OR51B5: variants seen among roughly 807,000 people sequenced by gnomAD.
OR51B5 encodes the protein olfactory receptor family 51 subfamily B member 5, also known as olfactory receptor 51B5.
For synonymous variants in OR51B5, 186 were observed against 144.8 expected (o/e 1.28, Z -2.04); for missense variants, 456 against 374.6 (o/e 1.22, Z -1.79).
chr11:5,402,524 C>A (rs1429462671), intron 1 of OR51B5: 6 of 383,570 alleles, frequency 1.6e-5, no homozygotes, highest in Non-Finnish European at 3.2e-5. Flanking sequence ...TGTCTTTCTT[C>A]ATAATGATGT....
At chr11:5,468,356 T>A in intron 1 of OR51B5, 1 of 213,166 alleles carries the variant, frequency 4.7e-6, no homozygotes, top group Non-Finnish European at 9.4e-6. Flanking sequence ...CCCATATAAC[T>A]TCTGGCAGGT....
At chr11:5,425,293 T>G (rs1243742142) in intron 1 of OR51B5, among the ~76,000 whole-genome samples, 3 of 152,070 alleles carry the variant, frequency 2.0e-5, no homozygotes, top group African/African-American at 7.2e-5. Context: ...GCAAATAAAT[T>G]TTGGGATTAT....
intron 1 of OR51B5, among the ~76,000 whole-genome samples, chr11:5,430,353 G>A (rs1850515949): frequency 6.6e-6 from 1 of 151,908 alleles, no homozygotes; most frequent in Non-Finnish European, 1.5e-5. Context: ...AGGCTTTTTT[G>A]CTAGGAGTTT....
intron 1 of OR51B5, among the ~76,000 whole-genome samples, chr11:5,409,163 T>A (rs1378589358): frequency 1.3e-5 from 2 of 152,096 alleles, no homozygotes; most frequent in Non-Finnish European, 2.9e-5. Context: ...TCAAAGGCAT[T>A]AGGAAGCTAG....
At chr11:5,365,980 A>C (rs1849358613) in intron 1 of OR51B5, among the ~76,000 whole-genome samples, 1 of 152,166 alleles carries the variant, frequency 6.6e-6, no homozygotes, top group Non-Finnish European at 1.5e-5. Flanking sequence ...CACAAACTGA[A>C]GAACTGCTAG....
intron 1 of OR51B5, chr11:5,468,845 C>T (rs2133799546): frequency 2.3e-6 from 1 of 435,938 alleles, no homozygotes; most frequent in Non-Finnish European, 4.6e-6. Flanking sequence ...GGTAGTGTCT[C>T]CACAGGGCAG....
intron 1 of OR51B5, among the ~76,000 whole-genome samples, chr11:5,385,017 A>T (rs946449650): frequency 6.6e-6 from 1 of 152,238 alleles, no homozygotes; most frequent in Non-Finnish European, 1.5e-5. Flanking sequence ...ATTAAAAAAT[A>T]ACTAATATTA....
chr11:5,413,658 C>T (rs1367838640), intron 1 of OR51B5, among the ~76,000 whole-genome samples: 1 of 152,070 alleles, frequency 6.6e-6, no homozygotes, highest in Non-Finnish European at 1.5e-5. Flanking sequence ...GGAGCCAATG[C>T]AATCAACTGG....
At chr11:5,454,310 C>G in intron 1 of OR51B5, 1 of 1,614,070 alleles carries the variant, frequency 6.2e-7, no homozygotes, top group African/African-American at 1.3e-5. Flanking sequence ...ACATACATGT[C>G]CTCATGTCAA....
At chr11:5,420,622 T>C (rs1009397816) in intron 1 of OR51B5, among the ~76,000 whole-genome samples, 7 of 150,208 alleles carry the variant, frequency 4.7e-5, no homozygotes, top group African/African-American at 1.7e-4. Flanking sequence ...CTTGTCTTTC[T>C]CTGTGATTCT....
chr11:5,406,229 G>A (rs188395221), intron 1 of OR51B5, among the ~76,000 whole-genome samples: 2 of 152,288 alleles, frequency 1.3e-5, no homozygotes, highest in African/African-American at 4.8e-5. Flanking sequence ...CTGAAGTTCT[G>A]TAAAGATAAC....
At chr11:5,385,437 G>A (rs1415333487) in intron 1 of OR51B5, 1 of 152,040 alleles carries the variant, frequency 6.6e-6, no homozygotes, top group East Asian at 1.9e-4. Context: ...AGAACCCCAG[G>A]CACAAAGAAT....
chr11:5,343,291 C>A (rs369884002), exon 1 of OR51B5: 1 of 1,612,040 alleles, frequency 6.2e-7, no homozygotes, highest in Non-Finnish European at 8.5e-7. Context: ...CTCCCAGCAC[C>A]GTGGGCATTG....
At chr11:5,423,554 T>G (rs374970982) in intron 1 of OR51B5, among the ~76,000 whole-genome samples, 1 of 152,224 alleles carries the variant, frequency 6.6e-6, no homozygotes, top group Non-Finnish European at 1.5e-5. Context: ...TTTAGGCATT[T>G]AGGTAAACAT....
chr11:5,399,997 T>C (rs1190615476), intron 1 of OR51B5, among the ~76,000 whole-genome samples: 1 of 152,144 alleles, frequency 6.6e-6, no homozygotes, highest in Non-Finnish European at 1.5e-5. Context: ...GGCAGATCAA[T>C]ATTTGGTCTA....
intron 1 of OR51B5, among the ~76,000 whole-genome samples, chr11:5,356,619 C>T (rs2133693307): frequency 7.6e-6 from 1 of 131,930 alleles, no homozygotes; most frequent in African/African-American, 2.8e-5. Context: ...TCAGGAAATA[C>T]AGAGAACGCC....
intron 1 of OR51B5, among the ~76,000 whole-genome samples, chr11:5,426,414 G>A (rs920495264): frequency 6.6e-6 from 1 of 152,090 alleles, no homozygotes; most frequent in South Asian, 2.1e-4. Context: ...AATGCACAAT[G>A]TGACCAGAAA....
At chr11:5,497,304 C>T (rs1851664684) in intron 1 of OR51B5, among the ~76,000 whole-genome samples, 1 of 152,148 alleles carries the variant, frequency 6.6e-6, no homozygotes, top group South Asian at 2.1e-4. Context: ...CCCAGCTACT[C>T]CAGAGGCTGA....
intron 1 of OR51B5, among the ~76,000 whole-genome samples, chr11:5,496,840 GAGA>G (rs1851656851): frequency 6.6e-6 from 1 of 152,182 alleles, no homozygotes; most frequent in Non-Finnish European, 1.5e-5. Context: ...TAGCACTTGG[GAGA>G]AGAAGATAAT....
Sources: gnomAD v4.1 joint callset for allele counts (sites outside exome capture counted in the v4.1 genomes callset) on GRCh38, gnomAD v4.1.1 for gene constraint, MANE v1.5 for transcripts, NCBI Gene and HGNC (gene_info 2026-07-23, HGNC 2026-07-21) for gene names.